ZDHHC12: variants seen among roughly 807,000 people sequenced by gnomAD.
The protein encoded by ZDHHC12 is zDHHC palmitoyltransferase 12, also known as palmitoyltransferase ZDHHC12.
In ZDHHC12, 26 loss-of-function variants were observed where a neutral mutation model predicts 33.2. The ratio of observed to expected loss-of-function variants is 0.78; its 90% confidence interval spans 0.57 to 1.09. The LOEUF is 1.09. Among genes scored for constraint, ZDHHC12 ranks in the 50% least tolerant of loss-of-function variants. ZDHHC12 has a pLI of 0.00. For synonymous variants in ZDHHC12, 154 were observed against 152.1 expected (o/e 1.01, Z -0.09); for missense variants, 350 against 353.0 (o/e 0.99, Z 0.07).
chr9:128,721,345 A>T lies in ZDHHC12; in HGVS notation c.640T>A (p.Phe214Ile), dbSNP rs1862543684. ...LVASNTTTWE[F>I]ISSHRIAYLR... ...TAGGCGATGCGGTGTGAGGAGATGA[A>T]TTCCCAGGTGGTGGTGTTGCTGGCC... Residue 214 changes from phenylalanine to isoleucine, a missense_variant, in exon 5 of 5, where the codon TTC becomes ATC. Physicochemically the swap from Phe to Ile is conservative, Grantham distance 21 (BLOSUM62 0). Transcript: ENST00000372663. This position sits in a 1 kb window ranked among gnomAD's most constrained non-coding sequence, Gnocchi z 6.9. 6.3e-7 allele frequency: 1 copy of T among 1,591,536 alleles called. No individual in the cohort carries two copies. Among genetic ancestry groups the T allele is most frequent in the Non-Finnish European group, 8.6e-7 (1 of 1,169,096 alleles).
rs752774619 is a variant in ZDHHC12 at position 128,721,543 on chromosome 9, A to G, written c.483-41T>C. 1.9e-6 allele frequency: 3 copies of G among 1,590,648 alleles called. No individual in the cohort carries two copies. The South Asian group carries it at 3.4e-5, about 18-fold the overall frequency. ...CAGGGGCCTGGTGCTGGGGGAGGGC[A>G]GGGGAGCCCTTCCCTCCCCATGCCG... On this transcript the variant is annotated intron_variant, in intron 4 of 4. Transcript: ENST00000372663. The surrounding 1 kb of genome is among the most constrained non-coding windows in gnomAD (Gnocchi z 6.9).
Position 128,723,741 on chromosome 9 carries a change from G to A in ZDHHC12, c.100+253C>T, listed in dbSNP as rs1251742672. On this transcript the variant is annotated intron_variant, in intron 1 of 4. Transcript: ENST00000372663. The surrounding 1 kb of genome is among the most constrained non-coding windows in gnomAD (Gnocchi z 4.4). ...TCGGTCCTTGGATCTGGTGGGCACC[G>A]GCTGGGTCCTGGGATGGACAGGGCA... The A allele has an allele frequency of 3.6e-6, 2 of 558,210 alleles. No homozygotes were observed. Among genetic ancestry groups the A allele is most frequent in the Non-Finnish European group, 3.1e-6 (1 of 327,628 alleles). 34.6% of individuals were successfully genotyped at this position (558,210 alleles called of 1,614,324 possible). A position where few individuals can be genotyped will look rare whatever the true frequency, so the allele number is the denominator to read the frequency against.
In ZDHHC12 at chr9:128,723,953, C is replaced by T. The variant is rs1463607217; in HGVS notation, c.100+41G>A. The T allele has an allele frequency of 1.3e-6, 2 of 1,592,120 alleles. No homozygotes were observed. Among genetic ancestry groups the T allele is most frequent in the Admixed American group, 1.7e-5 (1 of 57,290 alleles). ...TGACCAGAACGTCTGGGGAAGTACG[C>T]GGGATCGGGTGGGTCCGGGGTCGCT... On this transcript the variant is annotated intron_variant, in intron 1 of 4. Coordinates refer to ENST00000372663, the MANE Select transcript of ZDHHC12 (RefSeq NM_032799.5). This position sits in a 1 kb window ranked among gnomAD's most constrained non-coding sequence, Gnocchi z 4.4.
At position 128,724,065 on chromosome 9, in the gene ZDHHC12, CCAGGGCTGAG is replaced by C. The variant is rs772835896; in HGVS notation, c.19_28del (p.Leu7GlyfsTer11). On this transcript the variant is annotated frameshift_variant, in exon 1 of 5. Transcript: ENST00000372663. LOFTEE classifies it high-confidence loss of function. ...GGTGTGCCCGGTCCGCACCAGGACC[CCAGGGCTGAG>C]GAGCGCCCAGGGCGCCATCGCCTCG... 8 of 1,604,700 alleles carry C rather than the reference CCAGGGCTGAG, an allele frequency of 5.0e-6. No homozygotes were observed. The Admixed American group carries it at 1.3e-4, about 27-fold the overall frequency.
At position 128,721,666 on chromosome 9, in the gene ZDHHC12, C is replaced by T; in HGVS notation, c.467G>A (p.Gly156Asp). The change falls in exon 4 of 5, where the codon GGC (glycine) becomes GAC (aspartate). Residue 156 changes from glycine (G) to aspartate (D), a missense_variant. Coordinates refer to ENST00000372663, the MANE Select transcript of ZDHHC12 (RefSeq NM_032799.5). This position sits in a 1 kb window ranked among gnomAD's most constrained non-coding sequence, Gnocchi z 6.9. ...CAGCACCCACCATGCCAGGTACAGG[C>T]CCCACAGAAGCACCACCAGCTGCAG... is the stretch of plus-strand genomic sequence containing the variant. ...LALQLVVLLWGLYLAWSGLRF... is the reference protein window; with the variant it reads ...LALQLVVLLWDLYLAWSGLRF... 6.2e-7 allele frequency: 1 copy of T among 1,613,748 alleles called. No individual in the cohort carries two copies. The highest frequency in any genetic ancestry group is 8.5e-7 in the Non-Finnish European group (1 of 1,179,886).
At position 128,724,066 on chromosome 9, in the gene ZDHHC12, C is replaced by T; in HGVS notation, c.28G>A (p.Gly10Arg). The change falls in exon 1 of 5, where the codon GGG becomes AGG. Residue 10 changes from glycine to arginine, a missense_variant. Transcript: ENST00000372663. MAPWALLSP[G>R]VLVRTGHTVL... ...GTGTGCCCGGTCCGCACCAGGACCCCAGGGCTGAGGAGCGCCCAGGGCGCC... is the reference window on the plus strand; with the variant it reads ...GTGTGCCCGGTCCGCACCAGGACCCTAGGGCTGAGGAGCGCCCAGGGCGCC... The T allele has an allele frequency of 6.2e-7, 1 of 1,604,562 alleles. No individual in the cohort carries two copies. Among genetic ancestry groups the T allele is most frequent in the South Asian group, 1.1e-5 (1 of 90,080 alleles).
chr9:128,722,534 G>A lies in ZDHHC12; in HGVS notation c.141C>T (p.Pro47=), dbSNP rs1482939148. 3 of 1,591,284 alleles carry A rather than the reference G, an allele frequency of 1.9e-6. No homozygotes were observed. Among genetic ancestry groups the A allele is most frequent in the Non-Finnish European group, 2.6e-6 (3 of 1,168,746 alleles). The part of the protein sequence containing the change: ...QWEEQGELLL[P]LTFLLLVLGS... ...CCAGCACCAGGAGCAGGAAGGTGAG[G>A]GGCAGGAGCAGCTCCCCCTGCTCCT... The change falls in exon 2 of 5, where the codon CCC becomes CCT. Residue 47 remains proline (P), a synonymous_variant. Transcript: ENST00000372663. This position sits in a 1 kb window ranked among gnomAD's most constrained non-coding sequence, Gnocchi z 4.2.
Position 128,721,801 on chromosome 9 carries a change from C to T in ZDHHC12, c.332G>A (p.Arg111Gln), listed in dbSNP as rs145947107. 18 of 1,612,912 alleles carry T rather than the reference C, an allele frequency of 1.1e-5. No individual in the cohort carries two copies. The highest frequency in any genetic ancestry group is 1.6e-4 in the Middle Eastern group (1 of 6,062). ...GCAACGGCGGCACTCACGGCAGTGC[C>T]GAGCCCTCAGGGGCTGCTGTGGGCA... ...YCLVLQPLRA[R>Q]HCRECRRCVR... is the part of the protein sequence containing the mutation. The change falls in exon 4 of 5, where the codon CGG becomes CAG. Residue 111 changes from arginine (R) to glutamine (Q), a missense_variant. Arg to Gln is a conservative substitution (Grantham distance 43). Coordinates refer to ENST00000372663, the MANE Select transcript of ZDHHC12 (RefSeq NM_032799.5). The surrounding 1 kb of genome is among the most constrained non-coding windows in gnomAD (Gnocchi z 6.9).
Position 128,721,585 on chromosome 9 carries a change from G to A in ZDHHC12, c.482+66C>T, listed in dbSNP as rs1316325740. ...CCCATGCCGGGTCCCTGGGAGTCCT[G>A]GCTCTGTCCACCCCTGTGGGAGCAT... is the stretch of plus-strand genomic sequence containing the variant. On this transcript the variant is annotated intron_variant, in intron 4 of 4. Coordinates refer to ENST00000372663, the MANE Select transcript of ZDHHC12 (RefSeq NM_032799.5). This position sits in a 1 kb window ranked among gnomAD's most constrained non-coding sequence, Gnocchi z 6.9. 12 of 1,592,134 alleles carry A rather than the reference G, an allele frequency of 7.5e-6. No individual in the cohort carries two copies. In the Admixed American group the frequency reaches 1.9e-4, roughly 25 times the overall value.
chr9:128,721,553 T>A lies in ZDHHC12; in HGVS notation c.483-51A>T. Reference sequence around the variant, plus strand: ...GTGCTGGGGGAGGGCAGGGGAGCCCTTCCCTCCCCATGCCGGGTCCCTGGG... The same window carrying A: ...GTGCTGGGGGAGGGCAGGGGAGCCCATCCCTCCCCATGCCGGGTCCCTGGG... On this transcript the variant is annotated intron_variant, in intron 4 of 4. Transcript: ENST00000372663. The surrounding 1 kb of genome is among the most constrained non-coding windows in gnomAD (Gnocchi z 6.9). 3.8e-6 allele frequency: 6 copies of A among 1,588,702 alleles called. No individual in the cohort carries two copies. Among genetic ancestry groups the A allele is most frequent in the Non-Finnish European group, 5.2e-6 (6 of 1,165,034 alleles).
rs773971187 is a variant in ZDHHC12 at position 128,721,504 on chromosome 9, T to C, written c.483-2A>G. ...GGCTGGAAGAACCGGAGGCCTGACCTGCGGTGCAGGGGACAGGGGCCTGGT... is the reference window on the plus strand; with the variant it reads ...GGCTGGAAGAACCGGAGGCCTGACCCGCGGTGCAGGGGACAGGGGCCTGGT... On this transcript the variant is annotated splice_acceptor_variant, in intron 4 of 4. Transcript: ENST00000372663. LOFTEE classifies it high-confidence loss of function. The surrounding 1 kb of genome is among the most constrained non-coding windows in gnomAD (Gnocchi z 6.9). The C allele has an allele frequency of 1.2e-6, 2 of 1,602,190 alleles. No individual in the cohort carries two copies. Among genetic ancestry groups the C allele is most frequent in the Non-Finnish European group, 1.7e-6 (2 of 1,174,708 alleles).
chr9:128,722,226 C>T lies in ZDHHC12; in HGVS notation c.238-140G>A, dbSNP rs1445936070. The T allele has an allele frequency of 1.4e-5, 17 of 1,193,626 alleles. No individual in the cohort carries two copies. In the Admixed American group the frequency reaches 1.7e-4, roughly 12 times the overall value. The allele number at this position is 1,193,626 out of a possible 1,614,324, so 73.9% of individuals were successfully genotyped here. Reference sequence around the variant, plus strand: ...TGCAGAATGGAGGTGTGGGGTATGGCGGAGCACCCTGGACTGAGGGCGGCT... The same window carrying T: ...TGCAGAATGGAGGTGTGGGGTATGGTGGAGCACCCTGGACTGAGGGCGGCT... On this transcript the variant is annotated intron_variant, in intron 2 of 4. Transcript: ENST00000372663. The surrounding 1 kb of genome is among the most constrained non-coding windows in gnomAD (Gnocchi z 4.2).
Position 128,721,947 on chromosome 9 carries a change from A to G in ZDHHC12, c.315+62T>C. 2 of 1,611,364 alleles carry G rather than the reference A, an allele frequency of 1.2e-6. No homozygotes were observed. Among genetic ancestry groups the G allele is most frequent in the East Asian group, 2.2e-5 (1 of 44,822 alleles). ...GGCGAGGCCCAGGCAGTGGGGCAGG[A>G]GGAGGTCGAGGAGTCTCAGCTTTGG... On this transcript the variant is annotated intron_variant, in intron 3 of 4. Transcript: ENST00000372663. This position sits in a 1 kb window ranked among gnomAD's most constrained non-coding sequence, Gnocchi z 6.9.
Position 128,721,385 on chromosome 9 carries a change from C to G in ZDHHC12, c.600G>C (p.Ser200=), listed in dbSNP as rs1268472393. 9 of 1,581,822 alleles carry G rather than the reference C, an allele frequency of 5.7e-6. No homozygotes were observed. In the South Asian group the frequency reaches 5.8e-5, roughly 10 times the overall value. Residue 200 remains serine (S), a synonymous_variant, in exon 5 of 5, where the codon TCG becomes TCC. Transcript: ENST00000372663. The surrounding 1 kb of genome is among the most constrained non-coding windows in gnomAD (Gnocchi z 6.9). ...TGTTGCTGGCCACCAGGTAGAGGTGCGAGACGAGGAGCAGGCTGGCCACCA... is the reference window on the plus strand; with the variant it reads ...TGTTGCTGGCCACCAGGTAGAGGTGGGAGACGAGGAGCAGGCTGGCCACCA... ...FSLVASLLLV[S]HLYLVASNTT...
In ZDHHC12 at chr9:128,721,869, AC is replaced by A. The variant is rs781427866; in HGVS notation, c.316-53del. On this transcript the variant is annotated intron_variant, in intron 3 of 4. Transcript: ENST00000372663. This position sits in a 1 kb window ranked among gnomAD's most constrained non-coding sequence, Gnocchi z 6.9. ...TCAGTGCCAGCCCTGCTGTGGGCCC[AC>A]CACTGAGGGAAGGAATCAGGGCCTG... The A allele has an allele frequency of 6.2e-7, 1 of 1,601,862 alleles. No individual in the cohort carries two copies. The highest frequency in any genetic ancestry group is 8.5e-7 in the Non-Finnish European group (1 of 1,172,892).
chr9:128,722,617 C>T lies in ZDHHC12; in HGVS notation c.101-43G>A. On this transcript the variant is annotated intron_variant, in intron 1 of 4. Transcript: ENST00000372663. This position sits in a 1 kb window ranked among gnomAD's most constrained non-coding sequence, Gnocchi z 4.2. ...CACAGTGAGGCTGGGCCGGGTAGAA[C>T]AGGAGTGGGTGGGGTTGGGGTGCAG... The T allele has an allele frequency of 6.3e-7, 1 of 1,576,338 alleles. No homozygotes were observed. The highest frequency in any genetic ancestry group is 8.6e-7 in the Non-Finnish European group (1 of 1,160,582).
rs1225852736 is a variant in ZDHHC12, at chr9:128,721,240, C to G, written c.745G>C (p.Gly249Arg). The G allele has an allele frequency of 1.2e-6, 2 of 1,605,240 alleles. No individual in the cohort carries two copies. The highest frequency in any genetic ancestry group is 4.5e-5 in the East Asian group (2 of 44,660). Reference sequence around the variant, plus strand: ...TCAGCCCAGAGGGTCTCCCAGGACCCTGAGGGCCATCCACAGAAGAAGTGG... The same window carrying G: ...TCAGCCCAGAGGGTCTCCCAGGACCGTGAGGGCCATCCACAGAAGAAGTGG... ...LAHFFCGWPSGSWETLWAEEE... is the reference protein window; with the variant it reads ...LAHFFCGWPSRSWETLWAEEE... Residue 249 changes from glycine to arginine, a missense_variant, in exon 5 of 5, where the codon GGG (glycine) becomes CGG (arginine). Physicochemically the swap from Gly to Arg is moderately radical, Grantham distance 125. Transcript: ENST00000372663. This position sits in a 1 kb window ranked among gnomAD's most constrained non-coding sequence, Gnocchi z 6.9.
At position 128,723,582 on chromosome 9, in the gene ZDHHC12, G is replaced by T. The variant is rs1432457425; in HGVS notation, c.100+412C>A. On this transcript the variant is annotated intron_variant, in intron 1 of 4. Coordinates refer to ENST00000372663, the MANE Select transcript of ZDHHC12 (RefSeq NM_032799.5). This position sits in a 1 kb window ranked among gnomAD's most constrained non-coding sequence, Gnocchi z 4.4. Reference sequence around the variant, plus strand: ...GGGCAGCTAGTGGCCATGGGGGTGTGGGGGGTGTGGGTGTGGGCAGAATGC... The same window carrying T: ...GGGCAGCTAGTGGCCATGGGGGTGTTGGGGGTGTGGGTGTGGGCAGAATGC... The T allele has an allele frequency of 3.0e-5, 9 of 301,214 alleles. No individual in the cohort carries two copies. The highest frequency in any genetic ancestry group is 4.9e-5 in the Non-Finnish European group (8 of 161,766). The allele number at this position is 301,214 out of a possible 1,614,324, so 18.7% of individuals were successfully genotyped here. A position where few individuals can be genotyped will look rare whatever the true frequency, so the allele number is the denominator to read the frequency against.
rs1487347426 is a variant in ZDHHC12 at position 128,723,973 on chromosome 9, G to A, written c.100+21C>T. 4.4e-6 allele frequency: 7 copies of A among 1,606,118 alleles called. No homozygotes were observed. The highest frequency in any genetic ancestry group is 4.0e-5 in the African/African-American group (3 of 74,670). ...GTACGCGGGATCGGGTGGGTCCGGG[G>A]TCGCTCGGGGTCCGGCTCACCGGTA... On this transcript the variant is annotated intron_variant, in intron 1 of 4. Transcript: ENST00000372663. The surrounding 1 kb of genome is among the most constrained non-coding windows in gnomAD (Gnocchi z 4.4).
Sources: gnomAD v4.1 joint callset for allele counts on GRCh38, gnomAD v4.1.1 for gene constraint, Gnocchi (gnomAD v3.1) non-coding constraint, MANE v1.5 for transcripts, NCBI Gene and HGNC (gene_info 2026-07-23, HGNC 2026-07-21) for gene names.